PIK3CB: variants seen among roughly 807,000 people sequenced by gnomAD.
PIK3CB encodes the protein phosphatidylinositol 4,5-bisphosphate 3-kinase catalytic subunit beta isoform.
A neutral mutation model predicts 136.8 loss-of-function variants in PIK3CB; 39 were observed. The observed-to-expected ratio is 0.29, with a 90% CI of 0.22 to 0.37. The LOEUF (loss-of-function observed/expected upper bound fraction) is 0.37, where lower values mean the gene tolerates loss of function less well. Ranked by LOEUF, PIK3CB falls within the 10% of genes least tolerant of loss-of-function variation. PIK3CB has a pLI of 1.00. For synonymous variants in PIK3CB, 428 were observed against 436.6 expected (o/e 0.98, Z 0.25); for missense variants, 868 against 1,275.4 (o/e 0.68, Z 4.87).
intron 2 of PIK3CB, among the ~76,000 whole-genome samples, chr3:138,759,667 AC>A (rs2045634635): frequency 6.6e-6 from 1 of 151,836 alleles, no homozygotes; most frequent in Non-Finnish European, 1.5e-5. Flanking sequence ...ACATATGTAC[AC>A]ACACACACAC....
chr3:138,789,288 T>A (rs2046022020), intron 2 of PIK3CB, among the ~76,000 whole-genome samples: 1 of 151,962 alleles, frequency 6.6e-6, no homozygotes, highest in Non-Finnish European at 1.5e-5. Context: ...CGAAACACTG[T>A]CTCTAATAAA....
chr3:138,789,160 G>A (rs929042996), intron 2 of PIK3CB, among the ~76,000 whole-genome samples: 22 of 152,136 alleles, frequency 1.4e-4, no homozygotes, highest in African/African-American at 5.1e-4. Context: ...AGGGCGTGAT[G>A]GCTCACGCCT....
At chr3:138,735,957 TTCTC>T (rs146566627) in intron 6 of PIK3CB, among the ~76,000 whole-genome samples, 155 of 150,554 alleles carry the variant, frequency 1.0e-3, no homozygotes, top group Non-Finnish European at 1.5e-3. Flanking sequence ...ACACTGTATA[TTCTC>T]TCTCTCTCTC....
intron 1 of PIK3CB, among the ~76,000 whole-genome samples, chr3:138,830,757 C>A (rs1206378409): frequency 6.7e-6 from 1 of 149,174 alleles, no homozygotes; most frequent in Non-Finnish European, 1.5e-5. Context: ...AAAAAATTAG[C>A]CGGGCGTGTT....
At chr3:138,729,638 G>A (rs2044926404) in intron 8 of PIK3CB, among the ~76,000 whole-genome samples, 1 of 152,030 alleles carries the variant, frequency 6.6e-6, no homozygotes, top group South Asian at 2.1e-4. Context: ...CTCTTCCTGG[G>A]TTTGAGTCAA....
intron 8 of PIK3CB, among the ~76,000 whole-genome samples, chr3:138,723,357 C>T (rs1016752174): frequency 6.6e-6 from 1 of 151,984 alleles, no homozygotes; most frequent in South Asian, 2.1e-4. Context: ...TCGAGACCAG[C>T]CTGGGCAACA....
intron 19 of PIK3CB, among the ~76,000 whole-genome samples, chr3:138,676,885 G>A (rs1426981855): frequency 6.6e-6 from 1 of 152,100 alleles, no homozygotes; most frequent in Non-Finnish European, 1.5e-5. Context: ...CAGGGTTTTT[G>A]AAGGGTTGAT....
intron 2 of PIK3CB, among the ~76,000 whole-genome samples, chr3:138,779,243 G>A (rs1230284328): frequency 6.6e-6 from 1 of 151,796 alleles, no homozygotes; most frequent in Non-Finnish European, 1.5e-5. Context: ...CCACCACCAT[G>A]CCCGGCTAAT....
At chr3:138,726,596 G>A (rs1390312954) in intron 8 of PIK3CB, among the ~76,000 whole-genome samples, 1 of 152,132 alleles carries the variant, frequency 6.6e-6, no homozygotes, top group Non-Finnish European at 1.5e-5. Flanking sequence ...GAGAAAAAGA[G>A]GTACAATTCA....
chr3:138,826,352 C>T, intron 1 of PIK3CB: 2 of 1,591,880 alleles, frequency 1.3e-6, no homozygotes, highest in Non-Finnish European at 1.7e-6. Context: ...ATACCTGCCA[C>T]CTGAGTCTTA....
At chr3:138,831,868 G>C (rs1166147461) in intron 1 of PIK3CB, among the ~76,000 whole-genome samples, 1 of 151,956 alleles carries the variant, frequency 6.6e-6, no homozygotes, top group Non-Finnish European at 1.5e-5. Context: ...ACAGTGAGCA[G>C]AGATCGTGCC....
chr3:138,744,672 T>C (rs906456035), intron 4 of PIK3CB, among the ~76,000 whole-genome samples: 13 of 152,170 alleles, frequency 8.5e-5, no homozygotes, highest in Admixed American at 2.0e-4. Flanking sequence ...CTACCACTGT[T>C]TGCTTTAGTT....
rs545189148 is a variant in PIK3CB, at chr3:138,759,202, G to A, written c.142C>T (p.Arg48Trp). Residue 48 changes from arginine (R) to tryptophan (W), a missense_variant, in exon 3 of 24, where the codon CGG (arginine) becomes TGG (tryptophan). Around this residue, in one of 4 missense-constraint regions of PIK3CB, gnomAD observed 612 missense variants for 801.1 expected, o/e 0.76. Coordinates refer to ENST00000674063, the MANE Select transcript of PIK3CB (RefSeq NM_006219.3). Reference sequence around the variant, plus strand: ...TTAATATAAGAAATGGTAGCTTCCCGAGGTACCTCCAACTGGATATAAATC... The same window carrying A: ...TTAATATAAGAAATGGTAGCTTCCCAAGGTACCTCCAACTGGATATAAATC... ...TGIYIQLEVP[R>W]EATISYIKQM... 18 of 1,609,712 alleles carry A rather than the reference G, an allele frequency of 1.1e-5. No individual in the cohort carries two copies. In the South Asian group the frequency reaches 1.4e-4, roughly 13 times the overall value.
At chr3:138,736,404 A>G (rs1192426372) in intron 6 of PIK3CB, among the ~76,000 whole-genome samples, 1 of 152,252 alleles carries the variant, frequency 6.6e-6, no homozygotes, top group Non-Finnish European at 1.5e-5. Flanking sequence ...ATATTACTTT[A>G]TAATTGGCAT....
At position 138,777,929 on chromosome 3, in the gene PIK3CB, C is replaced by T. The variant is rs147578627; in HGVS notation, c.-17+18534G>A. 485 of 280,356 alleles carry T rather than the reference C, an allele frequency of 1.7e-3. 3 individuals are homozygous for T. Among genetic ancestry groups the T allele is most frequent in the African/African-American group, 0.01 (453 of 44,550 alleles). The allele number at this position is 280,356 out of a possible 1,614,324, so 17.4% of individuals were successfully genotyped here. The stretch of plus-strand genomic sequence containing the variant: ...AAGTGGATATTGTCTCATCAAGGAC[C>T]CCCTCATTGCCCTCAACTACACGGT... On this transcript the variant is annotated intron_variant, in intron 2 of 23. Transcript: ENST00000674063.
At chr3:138,785,347 A>G (rs900765516) in intron 2 of PIK3CB, among the ~76,000 whole-genome samples, 10 of 152,308 alleles carry the variant, frequency 6.6e-5, no homozygotes, top group Non-Finnish European at 1.5e-4. Flanking sequence ...AGAACGGGCC[A>G]TGATGACGAT....
intron 1 of PIK3CB, among the ~76,000 whole-genome samples, chr3:138,809,627 A>C (rs1248191406): frequency 2.2e-5 from 3 of 138,530 alleles, no homozygotes; most frequent in African/African-American, 7.9e-5. Flanking sequence ...AAAAAAAAAG[A>C]AAATTAAAAG....
At chr3:138,674,833 A>T (rs565978070) in intron 19 of PIK3CB, among the ~76,000 whole-genome samples, 4 of 152,328 alleles carry the variant, frequency 2.6e-5, no homozygotes, top group South Asian at 2.1e-4. Flanking sequence ...AGGCAGGTGG[A>T]TCACCTGAGG....
intron 9 of PIK3CB, 109 bp from the exon 10 acceptor site, chr3:138,712,413 T>G (rs1462046459): frequency 2.1e-6 from 1 of 470,792 alleles, no homozygotes; most frequent in East Asian, 3.5e-5. Flanking sequence ...TCTGGATGAT[T>G]TCCAAAATAA....
Sources: allele counts gnomAD v4.1 joint callset (sites outside exome capture counted in the v4.1 genomes callset), GRCh38; gene constraint gnomAD v4.1.1; regional missense constraint gnomAD v4.1.1; transcripts MANE v1.5; gene names NCBI Gene and HGNC (gene_info 2026-07-23, HGNC 2026-07-21).